The following HEATR4 variants were observed in gnomAD, a reference collection of about 807,000 sequenced individuals.
HEATR4 encodes the protein HEAT repeat-containing protein 4.
Under a neutral mutation model 108.8 loss-of-function variants are expected in HEATR4, and 95 were observed. The observed-to-expected ratio is 0.87, with a 90% confidence interval of 0.74 to 1.04. The LOEUF is 1.04. HEATR4 is among the 50% of genes least tolerant of loss of function. HEATR4 has a pLI of 0.00. For synonymous variants in HEATR4, 443 were observed against 459.4 expected (o/e 0.96, Z 0.46); for missense variants, 1,152 against 1,253.8 (o/e 0.92, Z 1.23).
the HEATR4 span, among the ~76,000 whole-genome samples, chr14:73,586,106 T>G: frequency 6.6e-6 from 1 of 151,984 alleles, no homozygotes; most frequent in Admixed American, 6.6e-5. Context: ...ACTTAAAAAT[T>G]TTTTAGGCTG....
chr14:73,593,344 T>TC, the HEATR4 span, among the ~76,000 whole-genome samples: 1 of 142,746 alleles, frequency 7.0e-6, no homozygotes, highest in Non-Finnish European at 1.5e-5. Flanking sequence ...TTCTTTTTTT[T>TC]TTTTTTTTTT....
the HEATR4 span, chr14:73,592,373 G>A: frequency 1.9e-6 from 3 of 1,569,194 alleles, no homozygotes; most frequent in South Asian, 2.3e-5. Context: ...GGCGCCAGTC[G>A]GTGCGAGCGG....
intron 17 of HEATR4, chr14:73,491,080 G>T (rs1885687998): frequency 1.3e-6 from 2 of 1,598,096 alleles, no homozygotes; most frequent in African/African-American, 1.4e-5. Flanking sequence ...GCCGGCGCAA[G>T]CCCCAGCCAC....
the HEATR4 span, among the ~76,000 whole-genome samples, chr14:73,629,056 C>CA: frequency 0.48 from 65,465 of 136,586 alleles, 17,583 homozygotes; most frequent in East Asian, 0.66. Context: ...AGTATGTTCC[C>CA]AAAAAAAAAA....
At chr14:73,604,079 A>G in the HEATR4 span, among the ~76,000 whole-genome samples, 3 of 152,050 alleles carry the variant, frequency 2.0e-5, no homozygotes, top group African/African-American at 4.8e-5. Flanking sequence ...TTTTATGCAA[A>G]CATCACACAC....
intron 10 of HEATR4, 89 bp from the exon 11 acceptor site, chr14:73,503,102 T>A (rs891113575): frequency 3.0e-6 from 3 of 1,015,384 alleles, no homozygotes; most frequent in South Asian, 2.6e-5. Context: ...CTTTTTTTAC[T>A]CATCACTGTA....
chr14:73,496,526 T>C, intron 15 of HEATR4, 75 bp downstream of exon 15: 1 of 878,570 alleles, frequency 1.1e-6, no homozygotes, highest in Middle Eastern at 2.2e-4. Context: ...ATGTACATGT[T>C]TGAGGAGGAC....
chr14:73,593,667 A>G, the HEATR4 span: 1,232 of 1,559,430 alleles, frequency 7.9e-4, 17 homozygotes, highest in South Asian at 0.011. Flanking sequence ...TTTAAATTGT[A>G]TAATGGCTTA....
At chr14:73,565,972 C>G in the HEATR4 span, among the ~76,000 whole-genome samples, 1 of 151,970 alleles carries the variant, frequency 6.6e-6, no homozygotes. Flanking sequence ...TCTGTTTTGA[C>G]AGGGCACTGA....
At chr14:73,487,048 A>G (rs1453027256) in intron 17 of HEATR4, among the ~76,000 whole-genome samples, 4 of 143,092 alleles carry the variant, frequency 2.8e-5, no homozygotes, top group African/African-American at 1.0e-4. Context: ...CGGGCAGATC[A>G]TGAGGTCAGG....
At chr14:73,519,887 G>C (rs1021661727) in intron 4 of HEATR4, 1 of 152,164 alleles carries the variant, frequency 6.6e-6, no homozygotes, top group Admixed American at 6.6e-5. Context: ...GTGGTGATGC[G>C]CGCCTATAAT....
the HEATR4 span, among the ~76,000 whole-genome samples, chr14:73,592,876 G>T: frequency 1.3e-5 from 2 of 152,144 alleles, no homozygotes; most frequent in African/African-American, 2.4e-5. Context: ...AGAAAAAAAA[G>T]GATTTTTTGT....
At chr14:73,496,494 C>T in intron 15 of HEATR4, 107 bp downstream of exon 15, 2 of 693,694 alleles carry the variant, frequency 2.9e-6, no homozygotes, top group Non-Finnish European at 5.1e-6. Context: ...TTAGAAAGTA[C>T]TTCTATGGTG....
At position 73,490,993 on chromosome 14, in the gene HEATR4, C is replaced by G. The variant is rs759687004; in HGVS notation, c.2844+2073G>C. ...TTAGCTTCGCCCCCGGCCGGCCGGG[C>G]GGGGAAGACTGGTGTGGTCTGGCCA... On this transcript the variant is annotated intron_variant, in intron 17 of 17. Transcript: ENST00000553558. 35 of 1,348,052 alleles carry G rather than the reference C, an allele frequency of 2.6e-5. No homozygotes were observed. In the African/African-American group the frequency reaches 4.7e-4, roughly 18 times the overall value. The allele number at this position is 1,348,052 out of a possible 1,614,324, so 83.5% of individuals were successfully genotyped here.
At position 73,492,792 on chromosome 14, in the gene HEATR4, C is replaced by T; in HGVS notation, c.2844+274G>A. 1 of 1,613,978 alleles carries T rather than the reference C, an allele frequency of 6.2e-7. No individual in the cohort carries two copies. The highest frequency in any genetic ancestry group is 1.6e-4 in the Middle Eastern group (1 of 6,062). ...TGCTTGGAAATATACCCCCAGCAAG[C>T]TGATGCCATGGAACTGTTGCTTGGT... On this transcript the variant is annotated intron_variant, in intron 17 of 17. Coordinates refer to ENST00000553558, the MANE Select transcript of HEATR4 (RefSeq NM_001220484.1). This position sits in a 1 kb window ranked among gnomAD's most constrained non-coding sequence, Gnocchi z 4.9.
chr14:73,499,337 C>T (rs957875129), intron 12 of HEATR4, among the ~76,000 whole-genome samples, 197 bp from the exon 13 acceptor site: 3 of 151,996 alleles, frequency 2.0e-5, no homozygotes, highest in African/African-American at 7.3e-5. Context: ...AAAAATTAGC[C>T]GGGCATGGTG....
chr14:73,559,720 C>T (rs1889482370), upstream of HEATR4, among the ~76,000 whole-genome samples: 1 of 151,968 alleles, frequency 6.6e-6, no homozygotes, highest in African/African-American at 2.4e-5. Flanking sequence ...CCAGCCTGGG[C>T]AGCAAGAGTG....
chr14:73,616,342 GAGTC>G, the HEATR4 span, among the ~76,000 whole-genome samples: 1 of 151,468 alleles, frequency 6.6e-6, no homozygotes, highest in African/African-American at 2.4e-5. Context: ...TTTTGAGATA[GAGTC>G]TCACTCTGTC....
the HEATR4 span, among the ~76,000 whole-genome samples, chr14:73,604,396 C>T: frequency 6.6e-6 from 1 of 151,658 alleles, no homozygotes; most frequent in Non-Finnish European, 1.5e-5. Context: ...AACTCCTGAC[C>T]TCAAGTCATC....
Sources: gnomAD v4.1 joint callset for allele counts (sites outside exome capture counted in the v4.1 genomes callset) on GRCh38, gnomAD v4.1.1 for gene constraint, Gnocchi (gnomAD v3.1) non-coding constraint, MANE v1.5 for transcripts, NCBI Gene and HGNC (gene_info 2026-07-23, HGNC 2026-07-21) for gene names.